LRP1B: variants seen among roughly 807,000 people sequenced by gnomAD.
LRP1B encodes LDL receptor related protein 1B.
LRP1B carries 217 observed loss-of-function variants against 556.6 expected under a neutral mutation model. The observed-to-expected ratio is 0.39, with a 90% CI of 0.35 to 0.44. The LOEUF (loss-of-function observed/expected upper bound fraction) is 0.44. LRP1B is among the 20% of genes least tolerant of loss of function. LRP1B has a pLI of 1.00. For synonymous variants in LRP1B, 2,047 were observed against 1,865.8 expected, an observed-to-expected ratio of 1.10 and a Z score of -2.50; for missense variants, 5,053 against 5,620.8, an observed-to-expected ratio of 0.90 and a Z score of 3.23.
At chr2:141,734,624 G>A (rs542384746) in intron 2 of LRP1B, among the ~76,000 whole-genome samples, 39 of 151,990 alleles carry the variant, frequency 2.6e-4, no homozygotes, top group African/African-American at 7.0e-4. Context: ...TGGTTTCTGC[G>A]CATTTGTATG....
chr2:141,454,541 A>T (rs13398743), intron 3 of LRP1B, among the ~76,000 whole-genome samples: 30,574 of 111,390 alleles, frequency 0.27, 3,608 homozygotes, highest in East Asian at 0.52. Flanking sequence ...ATTTTCTGTC[A>T]GTCCAGTTCT....
intron 1 of LRP1B, among the ~76,000 whole-genome samples, chr2:141,914,973 C>A (rs1699993753): frequency 6.6e-6 from 1 of 152,152 alleles, no homozygotes; most frequent in African/African-American, 2.4e-5. Context: ...CTACCAATAT[C>A]ATTTTTCATA....
intron 7 of LRP1B, among the ~76,000 whole-genome samples, chr2:141,170,174 A>G (rs1344419887): frequency 2.0e-5 from 3 of 152,106 alleles, no homozygotes; most frequent in African/African-American, 7.2e-5. Flanking sequence ...CAACCAAGCC[A>G]CCAGTCCTAG....
intron 39 of LRP1B, 98 bp downstream of exon 39, chr2:140,702,043 T>G (rs564748238): frequency 2.8e-6 from 4 of 1,442,120 alleles, no homozygotes; most frequent in East Asian, 2.3e-5. Flanking sequence ...GAGTTCCTTT[T>G]TGTGACCTTG....
chr2:140,291,314 A>ATTTTT (rs1370713902), intron 84 of LRP1B, among the ~76,000 whole-genome samples: 3 of 65,114 alleles, frequency 4.6e-5, no homozygotes, highest in African/African-American at 1.6e-4. Flanking sequence ...ATATATATAT[A>ATTTTT]TATATTTTTA....
At chr2:141,934,151 T>C (rs1558970779) in intron 1 of LRP1B, among the ~76,000 whole-genome samples, 1 of 152,136 alleles carries the variant, frequency 6.6e-6, no homozygotes, top group Non-Finnish European at 1.5e-5. Flanking sequence ...TTTTTATATG[T>C]AAAATCAAGT....
intron 6 of LRP1B, among the ~76,000 whole-genome samples, chr2:141,193,244 A>G (rs1681599338): frequency 6.6e-6 from 1 of 152,036 alleles, no homozygotes; most frequent in African/African-American, 2.4e-5. Flanking sequence ...ATATACCCAG[A>G]GGAATATAAA....
intron 3 of LRP1B, among the ~76,000 whole-genome samples, chr2:141,463,595 A>G (rs1455162983): frequency 7.4e-4 from 27 of 36,276 alleles, no homozygotes; most frequent in Admixed American, 3.9e-3. Flanking sequence ...TATATAATAT[A>G]TATTATATAT....
At chr2:140,775,516 G>A (rs1689464663) in intron 33 of LRP1B, among the ~76,000 whole-genome samples, 1 of 124,186 alleles carries the variant, frequency 8.1e-6, no homozygotes, top group Non-Finnish European at 1.6e-5. Flanking sequence ...CTAATGTCAT[G>A]GATTATGAAG....
At position 141,957,225 on chromosome 2, in the gene LRP1B, C is replaced by T. The variant is rs527661238; in HGVS notation, c.83-146824G>A. Among the ~76,000 whole-genome samples the T allele has an allele frequency of 1.1e-4, 17 of 152,072 alleles. No individual in the cohort carries two copies. The East Asian group carries it at 3.1e-3, about 28-fold the overall frequency. On this transcript the variant is annotated intron_variant, in intron 1 of 90. Coordinates refer to ENST00000389484, the MANE Select transcript of LRP1B (RefSeq NM_018557.3). ...GGGCTTGGTTTGAATGACGAGACAA[C>T]TCATGTATCTTTGCAGGTGAACCAC...
chr2:141,359,710 C>T (rs1471881390), intron 3 of LRP1B, among the ~76,000 whole-genome samples: 1 of 152,178 alleles, frequency 6.6e-6, no homozygotes, highest in Non-Finnish European at 1.5e-5. Flanking sequence ...GGGCCAAGAT[C>T]GTGCCACCGC....
intron 3 of LRP1B, among the ~76,000 whole-genome samples, chr2:141,316,727 G>A (rs567333213): frequency 1.3e-5 from 2 of 152,358 alleles, no homozygotes; most frequent in South Asian, 4.1e-4. Context: ...AGCAGAATCT[G>A]CACGCTGACT....
chr2:141,232,256 A>G (rs1023220075), intron 5 of LRP1B, among the ~76,000 whole-genome samples: 4 of 152,186 alleles, frequency 2.6e-5, no homozygotes, highest in Non-Finnish European at 5.9e-5. Context: ...TAGATTTCTC[A>G]GGTGATAGTA....
intron 3 of LRP1B, among the ~76,000 whole-genome samples, chr2:141,448,490 G>A (rs1681282133): frequency 6.6e-6 from 1 of 152,178 alleles, no homozygotes; most frequent in African/African-American, 2.4e-5. Context: ...AGCTAGCTTG[G>A]TGTCTGCCTA....
intron 1 of LRP1B, among the ~76,000 whole-genome samples, chr2:141,824,101 T>G (rs999863109): frequency 6.6e-6 from 1 of 152,212 alleles, no homozygotes; most frequent in Non-Finnish European, 1.5e-5. Flanking sequence ...ACCATTCAGT[T>G]AGGCTTTTTA....
At chr2:142,036,366 T>C (rs1046299482) in intron 1 of LRP1B, among the ~76,000 whole-genome samples, 1 of 151,668 alleles carries the variant, frequency 6.6e-6, no homozygotes, top group African/African-American at 2.4e-5. Flanking sequence ...CCCAATTTTA[T>C]CAAAAGACAT....
intron 15 of LRP1B, among the ~76,000 whole-genome samples, chr2:140,997,626 C>A (rs970050223): frequency 6.6e-6 from 1 of 151,576 alleles, no homozygotes; most frequent in Non-Finnish European, 1.5e-5. Context: ...TAGCATTTGT[C>A]CTGGAACAAA....
intron 1 of LRP1B, among the ~76,000 whole-genome samples, chr2:141,962,894 C>T (rs921575172): frequency 4.6e-5 from 7 of 151,738 alleles, no homozygotes; most frequent in Admixed American, 6.6e-5. Context: ...TTAGTAAGTG[C>T]CATTACATAT....
chr2:140,666,301 T>TACACACACACACAC (rs56905500), intron 41 of LRP1B, among the ~76,000 whole-genome samples: 1 of 147,790 alleles, frequency 6.8e-6, no homozygotes, highest in African/African-American at 2.5e-5. Flanking sequence ...CCATTTATTA[T>TACACACACACACAC]ACACACACAC....
Sources: gnomAD v4.1 joint callset for allele counts (sites outside exome capture counted in the v4.1 genomes callset) on GRCh38, gnomAD v4.1.1 for gene constraint, MANE v1.5 for transcripts, NCBI Gene and HGNC (gene_info 2026-07-23, HGNC 2026-07-21) for gene names.